The following SRPX variants were observed in gnomAD, a reference collection of about 807,000 sequenced individuals.
SRPX encodes the protein sushi repeat containing protein X-linked.
SRPX carries 24 observed loss-of-function variants against 38.1 expected under a neutral mutation model. The observed-to-expected ratio is 0.63, with a 90% confidence interval of 0.46 to 0.89. The LOEUF (loss-of-function observed/expected upper bound fraction) is 0.89. SRPX is among the 40% of genes least tolerant of loss of function. The pLI, the probability that SRPX is intolerant of heterozygous loss-of-function variation, is 0.00. For synonymous variants in SRPX, 184 were observed against 153.8 expected (o/e 1.20, Z -1.45); for missense variants, 416 against 377.8 (o/e 1.10, Z -0.84).
chrX:38,216,912 C>T (rs1007405625), intron 1 of SRPX, among the ~76,000 whole-genome samples: 1 of 112,263 alleles, frequency 8.9e-6, no homozygotes, highest in Non-Finnish European at 1.9e-5. Flanking sequence ...ATCTTACAGC[C>T]CCCAACAGAG....
At chrX:38,202,196 G>A (rs1939124753) in intron 1 of SRPX, among the ~76,000 whole-genome samples, 1 of 111,827 alleles carries the variant, frequency 8.9e-6, no homozygotes, top group African/African-American at 3.3e-5. Flanking sequence ...GTCTTAAGAG[G>A]GTAGGAAGAC....
At chrX:38,202,136 A>G (rs2147120618) in intron 1 of SRPX, among the ~76,000 whole-genome samples, 1 of 112,559 alleles carries the variant, frequency 8.9e-6, no homozygotes, top group Non-Finnish European at 1.9e-5. Context: ...CAAACTCTAG[A>G]TACCTAAAAC....
At chrX:38,202,032 C>A (rs1939122593) in intron 1 of SRPX, among the ~76,000 whole-genome samples, 1 of 111,508 alleles carries the variant, frequency 9.0e-6, no homozygotes, top group Non-Finnish European at 1.9e-5. Context: ...CTTTTATGTT[C>A]ATTTTCTCCA....
At chrX:38,197,603 C>T (rs762422056) in intron 1 of SRPX, among the ~76,000 whole-genome samples, 3 of 111,587 alleles carry the variant, frequency 2.7e-5, no homozygotes, top group Non-Finnish European at 5.6e-5. Flanking sequence ...ACAGACATGC[C>T]AGAAGATGCT....
chrX:38,163,020 C>T (rs1340595383), intron 5 of SRPX, among the ~76,000 whole-genome samples: 1 of 112,121 alleles, frequency 8.9e-6, no homozygotes, highest in Non-Finnish European at 1.9e-5. Context: ...GGGGCTGGGC[C>T]AGACATTGTG....
At chrX:38,187,899 A>G (rs1024245553) in intron 1 of SRPX, among the ~76,000 whole-genome samples, 1 of 112,334 alleles carries the variant, frequency 8.9e-6, no homozygotes, top group African/African-American at 3.2e-5. Context: ...CTATTCTGTT[A>G]TATCTTGGCA....
intron 1 of SRPX, among the ~76,000 whole-genome samples, chrX:38,178,867 TG>T (rs1399402305): frequency 4.5e-5 from 5 of 111,473 alleles, no homozygotes; most frequent in African/African-American, 1.6e-4. Flanking sequence ...ATACAGCATT[TG>T]TAGGAAATGA....
intron 3 of SRPX, among the ~76,000 whole-genome samples, chrX:38,173,155 T>C (rs1005751898): frequency 8.9e-6 from 1 of 112,372 alleles, no homozygotes; most frequent in South Asian, 3.7e-4. Context: ...ATGGCACCCA[T>C]ATTGATAGTG....
intron 8 of SRPX, among the ~76,000 whole-genome samples, chrX:38,156,031 C>A (rs2147763080): frequency 8.9e-6 from 1 of 112,189 alleles, no homozygotes; most frequent in African/African-American, 3.2e-5. Context: ...AAATTGTAGC[C>A]TTTGATTAAA....
At position 38,174,253 on chromosome X, in the gene SRPX, C is replaced by T. The variant is rs781460111; in HGVS notation, c.256G>A (p.Asp86Asn). ...YYKTALGTRC[D>N]IRCQKGYELH... is the part of the protein sequence containing the mutation. Reference sequence around the variant, plus strand: ...TCGTAGCCCTTCTGGCAGCGAATGTCGCACCTGGTTCCCAGGGCTGTTTTG... The same window carrying T: ...TCGTAGCCCTTCTGGCAGCGAATGTTGCACCTGGTTCCCAGGGCTGTTTTG... The change falls in exon 3 of 10, where the codon GAC (aspartate) becomes AAC (asparagine). Residue 86 changes from aspartate (D) to asparagine (N), a missense_variant. Transcript: ENST00000378533. 91 of 1,164,934 alleles carry T rather than the reference C, an allele frequency of 7.8e-5. No individual in the cohort carries two copies. The South Asian group carries it at 1.2e-3, about 15-fold the overall frequency.
intron 7 of SRPX, among the ~76,000 whole-genome samples, chrX:38,159,027 A>G (rs1938188782): frequency 8.9e-6 from 1 of 111,876 alleles, no homozygotes; most frequent in Admixed American, 9.5e-5. Flanking sequence ...AGATAGGTAG[A>G]AATGATTTTA....
intron 1 of SRPX, among the ~76,000 whole-genome samples, chrX:38,188,641 T>TA (rs746877158): frequency 3.6e-5 from 4 of 111,770 alleles, no homozygotes; most frequent in Non-Finnish European, 5.6e-5. Flanking sequence ...GGCAAAATTA[T>TA]ATATATTTAA....
rs747497770 is a variant in SRPX, at chrX:38,171,970, T to C, written c.437A>G (p.Tyr146Cys). The change falls in exon 4 of 10, where the codon TAT becomes TGT. Residue 146 changes from tyrosine (Y) to cysteine (C), a missense_variant. By Grantham distance (194) the Tyr-to-Cys change is radical. Transcript: ENST00000378533. ...GAYFNSRCEYYCSPGYTLKGE... is the reference protein window; with the variant it reads ...GAYFNSRCEYCCSPGYTLKGE... ...TTTCAACGTGTATCCTGGTGAACAA[T>C]AATACTCACACCGGGAGTTAAAGTA... The C allele has an allele frequency of 1.1e-5, 13 of 1,209,463 alleles. No individual in the cohort carries two copies. Among genetic ancestry groups the C allele is most frequent in the East Asian group, 5.9e-5 (2 of 33,789 alleles).
chrX:38,151,589 C>T (rs1436052676), intron 9 of SRPX, among the ~76,000 whole-genome samples: 1 of 111,406 alleles, frequency 9.0e-6, no homozygotes. Context: ...TTCATTGACA[C>T]AGAATGTAAA....
chrX:38,171,731 G>A, intron 4 of SRPX, 150 bp downstream of exon 4: 1 of 510,235 alleles, frequency 2.0e-6, no homozygotes, highest in East Asian at 3.7e-5. Context: ...ATCTAGGGCT[G>A]AGCCAGAGAA....
At chrX:38,206,468 T>G (rs1677986742) in intron 1 of SRPX, among the ~76,000 whole-genome samples, 1 of 112,413 alleles carries the variant, frequency 8.9e-6, no homozygotes, top group Non-Finnish European at 1.9e-5. Context: ...AACCTCCAAG[T>G]GTCCATCACA....
chrX:38,218,017 C>T (rs942702309), intron 1 of SRPX, among the ~76,000 whole-genome samples: 6 of 112,175 alleles, frequency 5.3e-5, no homozygotes, highest in African/African-American at 1.6e-4. Context: ...AGCCTGTTCC[C>T]GGTGACACCT....
intron 2 of SRPX, among the ~76,000 whole-genome samples, chrX:38,176,061 G>A (rs915705880): frequency 9.0e-6 from 1 of 111,056 alleles, no homozygotes; most frequent in Non-Finnish European, 1.9e-5. Context: ...TTATAAATTA[G>A]GCATGATAAA....
chrX:38,149,661 T>C lies in SRPX; in HGVS notation c.*50A>G. The C allele has an allele frequency of 9.1e-7, 1 of 1,103,981 alleles. No individual in the cohort carries two copies. Among genetic ancestry groups the C allele is most frequent in the Non-Finnish European group, 1.2e-6 (1 of 822,091 alleles). The allele number at this position is 1,103,981 out of a possible 1,213,427, so 91.0% of individuals were successfully genotyped here. On this transcript the variant is annotated 3_prime_UTR_variant, in exon 10 of 10. Transcript: ENST00000378533. ...TATTTTTAAGGCTTTCCCGTGTGCA[T>C]GTCACTATGTAGACAATGAAGAGGA...
Sources: allele counts gnomAD v4.1 joint callset (sites outside exome capture counted in the v4.1 genomes callset), GRCh38; gene constraint gnomAD v4.1.1; transcripts MANE v1.5; gene names NCBI Gene and HGNC (gene_info 2026-07-23, HGNC 2026-07-21).